The following MAP3K12 variants were observed in gnomAD, a reference collection of about 807,000 sequenced individuals.
MAP3K12 encodes mitogen-activated protein kinase kinase kinase 12.
In MAP3K12, 14 loss-of-function variants were observed where a neutral mutation model predicts 87.5. That is an observed-to-expected ratio of 0.16 (90% CI 0.11 to 0.25). The LOEUF (loss-of-function observed/expected upper bound fraction) is 0.25, where lower values mean the gene tolerates loss of function less well. MAP3K12 is among the 10% of genes least tolerant of loss of function. MAP3K12 has a pLI of 1.00. For synonymous variants in MAP3K12, 469 were observed against 452.5 expected (o/e 1.04, Z -0.46); for missense variants, 802 against 1,140.4 (o/e 0.70, Z 4.27).
intron 1 of MAP3K12, among the ~76,000 whole-genome samples, chr12:53,492,849 G>C (rs1484646491): frequency 6.6e-6 from 1 of 151,980 alleles, no homozygotes; most frequent in East Asian, 1.9e-4. Context: ...GCTCTCGCCT[G>C]GCAGGCCAGG....
chr12:53,488,591 G>A (rs911197314), intron 1 of MAP3K12, among the ~76,000 whole-genome samples: 2 of 152,060 alleles, frequency 1.3e-5, no homozygotes, highest in Non-Finnish European at 2.9e-5. Context: ...AACCCGGGAG[G>A]CTGAGGTTTT....
At chr12:53,481,454 ATTC>A (rs1372905686) in intron 13 of MAP3K12, 174 bp from the exon 14 acceptor site, 15 of 332,026 alleles carry the variant, frequency 4.5e-5, no homozygotes, top group Admixed American at 1.8e-4. Context: ...GGTTCAAGCA[ATTC>A]TTCTGCCTCA....
rs1943071119 is a variant in MAP3K12, at chr12:53,482,098, A to G, written c.2423T>C (p.Val808Ala). ...SEPSPSGTPE[V>A]GSTNTDERPD... ...CCGCTCATCAGTGTTGGTGCTGCCA[A>G]CTTCAGGTGTGCCACTGGGGGAAGG... is the stretch of plus-strand genomic sequence containing the variant. The change falls in exon 13 of 14, where the codon GTT (valine) becomes GCT (alanine). Residue 808 changes from valine to alanine, a missense_variant. Val to Ala is a moderately conservative substitution (Grantham distance 64). Transcript: ENST00000547488. 1 of 1,614,004 alleles carries G rather than the reference A, an allele frequency of 6.2e-7. No homozygotes were observed. The highest frequency in any genetic ancestry group is 1.1e-5 in the South Asian group (1 of 91,076).
Position 53,483,098 on chromosome 12 carries a change from AG to A in MAP3K12, c.1704del (p.Ser569HisfsTer45). On this transcript the variant is annotated frameshift_variant, in exon 11 of 14. Transcript: ENST00000547488. LOFTEE classifies it high-confidence loss of function. ...VGLPGCPKGP[P>X]SPGRSRRGKT... ...TTGCCACGGCGACTCCGTCCTGGTG[AG>A]GGGGGGCCCTTAGGACACCCAGGAA... 9 of 1,528,328 alleles carry A rather than the reference AG, an allele frequency of 5.9e-6. No homozygotes were observed. The highest frequency in any genetic ancestry group is 1.3e-5 in the South Asian group (1 of 77,000). 94.7% of individuals were successfully genotyped at this position (1,528,328 alleles called of 1,614,324 possible). A position where few individuals can be genotyped will look rare whatever the true frequency, so the allele number is the denominator to read the frequency against.
chr12:53,491,210 C>A (rs1943388980), intron 1 of MAP3K12, among the ~76,000 whole-genome samples: 1 of 135,336 alleles, frequency 7.4e-6, no homozygotes, highest in African/African-American at 2.7e-5. Flanking sequence ...ATCACTTGAA[C>A]CCGGGAGGCG....
chr12:53,483,158 G>A lies in MAP3K12; in HGVS notation c.1645C>T (p.Pro549Ser). The change falls in exon 11 of 14, where the codon CCT (proline) becomes TCT (serine). Residue 549 changes from proline (P) to serine (S), a missense_variant. Pro to Ser is a moderately conservative substitution (Grantham distance 74). Transcript: ENST00000547488. ...CCACTCAGGGCTGCATCTAGTTTAG[G>A]GAGCAAAGACTCCGTCTTGAGGATA... is the stretch of plus-strand genomic sequence containing the variant. ...PDILKTESLL[P>S]KLDAALSGVG... 1 of 1,521,116 alleles carries A rather than the reference G, an allele frequency of 6.6e-7. No homozygotes were observed. Among genetic ancestry groups the A allele is most frequent in the Non-Finnish European group, 8.8e-7 (1 of 1,136,782 alleles). 94.2% of individuals were successfully genotyped at this position (1,521,116 alleles called of 1,614,324 possible).
rs1943070391 is a variant in MAP3K12 at position 53,482,063 on chromosome 12, G to A, written c.2458C>T (p.Arg820Trp). ...CCCTGGGAGCACATGTCATCAGACC[G>A]CTCATCTGGCCGCTCATCAGTGTTG... ...STNTDERPDE[R>W]SDDMCSQGSE... Residue 820 changes from arginine to tryptophan, a missense_variant, in exon 13 of 14, where the codon CGG becomes TGG. Physicochemically the swap from Arg to Trp is moderately radical, Grantham distance 101. Around this residue, in one of 5 missense-constraint regions of MAP3K12, gnomAD observed 490 missense variants for 496.6 expected, o/e 0.99. Coordinates refer to ENST00000547488, the MANE Select transcript of MAP3K12 (RefSeq NM_001193511.2). The A allele has an allele frequency of 6.8e-6, 11 of 1,614,018 alleles. No homozygotes were observed. Among genetic ancestry groups the A allele is most frequent in the South Asian group, 1.1e-5 (1 of 91,080 alleles).
Position 53,480,631 on chromosome 12 carries a change from C to CA in MAP3K12, c.*550dup, listed in dbSNP as rs1369224478. 6.6e-6 allele frequency: 1 copy of CA among 152,584 alleles called. No homozygotes were observed. The highest frequency in any genetic ancestry group is 1.5e-5 in the Non-Finnish European group (1 of 68,058). 9.5% of individuals were successfully genotyped at this position (152,584 alleles called of 1,614,324 possible). ...TTCAGCCTGAGCCATCACATGCTAT[C>CA]AGTCTCCTAACCTCCCCCTGGGCCT... On this transcript the variant is annotated 3_prime_UTR_variant, in exon 14 of 14. Transcript: ENST00000547488.
chr12:53,497,101 T>C (rs986407494), intron 1 of MAP3K12, among the ~76,000 whole-genome samples: 2 of 152,218 alleles, frequency 1.3e-5, no homozygotes, highest in African/African-American at 4.8e-5. Flanking sequence ...CTTTTTTACT[T>C]TAAACAAATT....
chr12:53,485,488 G>C lies in MAP3K12; in HGVS notation c.822-13C>G. 1 of 1,611,674 alleles carries C rather than the reference G, an allele frequency of 6.2e-7. No individual in the cohort carries two copies. The highest frequency in any genetic ancestry group is 8.5e-7 in the Non-Finnish European group (1 of 1,178,680). ...GGTGATTAGCATGCTGGTAAAGAGT[G>C]TAGTCAGCTGGGGTCCACACCCCTC... On this transcript the variant is annotated splice_polypyrimidine_tract_variant and intron_variant, in intron 4 of 13. Transcript: ENST00000547488.
intron 1 of MAP3K12, among the ~76,000 whole-genome samples, chr12:53,490,528 G>A (rs1424217762): frequency 2.0e-5 from 3 of 151,980 alleles, no homozygotes; most frequent in Admixed American, 1.3e-4. Context: ...GGCGGATCAC[G>A]AGGTCAGGAG....
At chr12:53,500,191 G>C (rs1254443989), upstream of MAP3K12, 1 of 150,638 alleles carries the variant, frequency 6.6e-6, no homozygotes, top group Non-Finnish European at 1.5e-5. Context: ...TTTTTAATGT[G>C]GTCTCTCCCT....
chr12:53,485,874 C>G, intron 4 of MAP3K12, 182 bp downstream of exon 4: 1 of 613,450 alleles, frequency 1.6e-6, no homozygotes, highest in South Asian at 2.1e-5. Flanking sequence ...AGTTTAAAAT[C>G]ATTTGGGACA....
chr12:53,482,738 C>T lies in MAP3K12; in HGVS notation c.2065G>A (p.Asp689Asn). 1 of 1,614,072 alleles carries T rather than the reference C, an allele frequency of 6.2e-7. No individual in the cohort carries two copies. Among genetic ancestry groups the T allele is most frequent in the South Asian group, 1.1e-5 (1 of 91,088 alleles). ...EGSAPGSTSP[D>N]SPGGAKGEPP... ...TCCCCTTTGGCTCCCCCAGGTGAATCTGGGCTGGTGGAGCCAGGGGCTGAG... is the reference window on the plus strand; with the variant it reads ...TCCCCTTTGGCTCCCCCAGGTGAATTTGGGCTGGTGGAGCCAGGGGCTGAG... Residue 689 changes from aspartate (D) to asparagine (N), a missense_variant, in exon 11 of 14, where the codon GAT becomes AAT. Physicochemically the swap from Asp to Asn is conservative, Grantham distance 23 (BLOSUM62 1). Around this residue, in one of 5 missense-constraint regions of MAP3K12, gnomAD observed 490 missense variants for 496.6 expected, o/e 0.99. Transcript: ENST00000547488.
chr12:53,484,812 G>A (rs1024480400), intron 6 of MAP3K12: 35 of 556,656 alleles, frequency 6.3e-5, no homozygotes, highest in Middle Eastern at 4.8e-4. Context: ...GCACTCACTG[G>A]CACTTCATGA....
chr12:53,485,343 T>C lies in MAP3K12; in HGVS notation c.954A>G (p.Glu318=). The C allele has an allele frequency of 6.2e-7, 1 of 1,614,112 alleles. No individual in the cohort carries two copies. Among genetic ancestry groups the C allele is most frequent in the Non-Finnish European group, 8.5e-7 (1 of 1,179,986 alleles). Reference sequence around the variant, plus strand: ...AGATGTCGACCTTCTCAGACACAGGTTCATTGCGGATCACCTCAGGGGCCA... The same window carrying C: ...AGATGTCGACCTTCTCAGACACAGGCTCATTGCGGATCACCTCAGGGGCCA... ...AWMAPEVIRN[E]PVSEKVDIWS... Residue 318 remains glutamate (E), a synonymous_variant, in exon 5 of 14, where the codon GAA becomes GAG. Coordinates refer to ENST00000547488, the MANE Select transcript of MAP3K12 (RefSeq NM_001193511.2).
rs1412074781 is a variant in MAP3K12 at position 53,481,969 on chromosome 12, A to G, written c.2552T>C (p.Ile851Thr). 1.3e-5 allele frequency: 21 copies of G among 1,613,714 alleles called. No homozygotes were observed. The highest frequency in any genetic ancestry group is 1.8e-5 in the Non-Finnish European group (21 of 1,179,692). Residue 851 changes from isoleucine (I) to threonine (T), a missense_variant, in exon 13 of 14, where the codon ATT becomes ACT. Physicochemically the swap from Ile to Thr is moderately conservative, Grantham distance 89 (BLOSUM62 -1). Transcript: ENST00000547488. ...CTCTCTGAGAAGTTCCTGGTGTGGA[A>G]TGGGCAGGGAGCTGGGTTCAGGGCC... The part of the protein sequence containing the change: ...IPGPEPSSLP[I>T]PHQELLRERG...
chr12:53,496,668 G>T (rs541268237), intron 1 of MAP3K12, among the ~76,000 whole-genome samples: 117 of 152,378 alleles, frequency 7.7e-4, no homozygotes, highest in African/African-American at 2.7e-3. Context: ...GTGGAATTGT[G>T]AGTGTTTTAA....
chr12:53,484,607 C>A, intron 6 of MAP3K12: 1 of 508,522 alleles, frequency 2.0e-6, no homozygotes, highest in South Asian at 2.5e-5. Context: ...AAAATAAAAG[C>A]CTTTTCTGAA....
Sources: gnomAD v4.1 joint callset for allele counts (sites outside exome capture counted in the v4.1 genomes callset) on GRCh38, gnomAD v4.1.1 for gene constraint, gnomAD v4.1.1 regional missense constraint, MANE v1.5 for transcripts, NCBI Gene and HGNC (gene_info 2026-07-23, HGNC 2026-07-21) for gene names.